ADGRB3: variants seen among roughly 807,000 people sequenced by gnomAD.
The protein encoded by ADGRB3 is adhesion G protein-coupled receptor B3, also known as brain-specific angiogenesis inhibitor 3.
Under a neutral mutation model 193.4 loss-of-function variants are expected in ADGRB3, and 37 were observed. That is an observed-to-expected ratio of 0.19 (90% CI 0.15 to 0.25). The LOEUF (loss-of-function observed/expected upper bound fraction) is 0.25. Ranked by LOEUF, ADGRB3 falls within the 10% of genes least tolerant of loss-of-function variation. The pLI, the probability that ADGRB3 is intolerant of heterozygous loss-of-function variation, is 1.00. For missense variants in ADGRB3, 1,637 were observed against 1,852.9 expected, an observed-to-expected ratio of 0.88 and a Z score of 2.14; for synonymous variants, 690 against 644.2, an observed-to-expected ratio of 1.07 and a Z score of -1.08.
chr6:69,025,524 T>A (rs1329715223), intron 13 of ADGRB3, among the ~76,000 whole-genome samples: 10 of 66,942 alleles, frequency 1.5e-4, no homozygotes, highest in Non-Finnish European at 2.9e-4. Context: ...ACAATTTAAC[T>A]TTTTTTTTTT....
intron 3 of ADGRB3, among the ~76,000 whole-genome samples, chr6:68,657,604 C>T (rs1191896719): frequency 1.3e-5 from 2 of 151,322 alleles, no homozygotes; most frequent in Non-Finnish European, 3.0e-5. Context: ...GATGGGATTA[C>T]TCAGCAAATT....
intron 3 of ADGRB3, among the ~76,000 whole-genome samples, chr6:68,811,521 T>C (rs562068159): frequency 6.6e-6 from 1 of 151,950 alleles, no homozygotes; most frequent in African/African-American, 2.4e-5. Flanking sequence ...CAGGCTGGAG[T>C]GCGGTGGGAT....
At chr6:68,881,249 C>T (rs544215298) in intron 3 of ADGRB3, among the ~76,000 whole-genome samples, 2 of 151,994 alleles carry the variant, frequency 1.3e-5, no homozygotes, top group African/African-American at 4.8e-5. Context: ...AGTTATGTGA[C>T]TGATAAAATA....
chr6:68,978,733 G>GT (rs1768821781), intron 10 of ADGRB3, among the ~76,000 whole-genome samples: 1 of 151,392 alleles, frequency 6.6e-6, no homozygotes, highest in Non-Finnish European at 1.5e-5. Flanking sequence ...TCTTAAATTA[G>GT]TTTGGAGACT....
chr6:69,200,764 C>A (rs1376697994), intron 17 of ADGRB3, among the ~76,000 whole-genome samples: 1 of 152,020 alleles, frequency 6.6e-6, no homozygotes, highest in African/African-American at 2.4e-5. Flanking sequence ...AATCTACACG[C>A]AAGAAGCTTT....
At chr6:69,028,960 C>T (rs572407781) in intron 13 of ADGRB3, among the ~76,000 whole-genome samples, 1 of 152,184 alleles carries the variant, frequency 6.6e-6, no homozygotes, top group East Asian at 1.9e-4. Context: ...ACTATTTACT[C>T]CTCACAACCT....
intron 20 of ADGRB3, among the ~76,000 whole-genome samples, chr6:69,278,187 G>C: frequency 6.6e-6 from 1 of 152,142 alleles, no homozygotes; most frequent in East Asian, 1.9e-4. Context: ...TACACTTAGT[G>C]ATCTTTAGCA....
intron 3 of ADGRB3, among the ~76,000 whole-genome samples, chr6:68,653,198 G>C (rs1297518157): frequency 6.6e-6 from 1 of 152,136 alleles, no homozygotes; most frequent in Non-Finnish European, 1.5e-5. Context: ...ACTAAAATGA[G>C]AAGAGCCTCT....
intron 29 of ADGRB3, among the ~76,000 whole-genome samples, chr6:69,370,994 G>A (rs1769695981): frequency 6.6e-6 from 1 of 152,032 alleles, no homozygotes; most frequent in South Asian, 2.1e-4. Context: ...TCAATGCCTG[G>A]ATGTCACCAC....
chr6:68,981,414 C>T (rs1768906328), intron 10 of ADGRB3, among the ~76,000 whole-genome samples: 1 of 151,634 alleles, frequency 6.6e-6, no homozygotes, highest in South Asian at 2.1e-4. Context: ...GGAGGTGTTA[C>T]TTAAATCTTT....
chr6:68,801,594 C>T (rs1767312422), intron 3 of ADGRB3, among the ~76,000 whole-genome samples: 1 of 152,026 alleles, frequency 6.6e-6, no homozygotes, highest in Non-Finnish European at 1.5e-5. Flanking sequence ...GAGGCTGAGG[C>T]AAGAGAATCG....
At chr6:68,955,926 T>C in intron 6 of ADGRB3, 98 bp from the exon 7 acceptor site, 1 of 1,205,864 alleles carries the variant, frequency 8.3e-7, no homozygotes, top group East Asian at 2.5e-5. Flanking sequence ...AGTCCATTGA[T>C]TGGGGTTCAT....
chr6:68,966,630 C>T (rs1182891515), intron 8 of ADGRB3, among the ~76,000 whole-genome samples: 1 of 152,162 alleles, frequency 6.6e-6, no homozygotes, highest in African/African-American at 2.4e-5. Context: ...CTTCCACTGA[C>T]ACACTCTTCC....
chr6:68,698,097 A>G (rs1287452249), intron 3 of ADGRB3, among the ~76,000 whole-genome samples: 1 of 151,796 alleles, frequency 6.6e-6, no homozygotes, highest in Non-Finnish European at 1.5e-5. Flanking sequence ...ATTCATAAAC[A>G]TATGGTATTG....
intron 8 of ADGRB3, among the ~76,000 whole-genome samples, chr6:68,961,946 T>C (rs1338620646): frequency 8.5e-5 from 13 of 152,218 alleles, no homozygotes; most frequent in Admixed American, 8.5e-4. Flanking sequence ...GGAATTATGT[T>C]ATTACCTGTT....
intron 3 of ADGRB3, among the ~76,000 whole-genome samples, chr6:68,679,130 AAT>A (rs1764833670): frequency 6.6e-6 from 1 of 152,206 alleles, no homozygotes; most frequent in South Asian, 2.1e-4. Flanking sequence ...CATAAAATTC[AAT>A]ATTTGTTAGA....
At chr6:68,991,394 A>G (rs1769232326) in intron 10 of ADGRB3, among the ~76,000 whole-genome samples, 1 of 152,082 alleles carries the variant, frequency 6.6e-6, no homozygotes, top group South Asian at 2.1e-4. Context: ...AAAACAAGAA[A>G]TAGAAGGCAC....
At chr6:68,686,152 A>G (rs1362722438) in intron 3 of ADGRB3, among the ~76,000 whole-genome samples, 1 of 152,208 alleles carries the variant, frequency 6.6e-6, no homozygotes, top group Non-Finnish European at 1.5e-5. Flanking sequence ...AAACTCTTGC[A>G]AAATTGCCCT....
chr6:68,742,741 A>G (rs367591448), intron 3 of ADGRB3, among the ~76,000 whole-genome samples: 43 of 152,280 alleles, frequency 2.8e-4, no homozygotes, highest in African/African-American at 1.0e-3. Context: ...GTCTTAAGAA[A>G]TAATGTGATA....
Sources: gnomAD v4.1 joint callset for allele counts (sites outside exome capture counted in the v4.1 genomes callset) on GRCh38, gnomAD v4.1.1 for gene constraint, MANE v1.5 for transcripts, NCBI Gene and HGNC (gene_info 2026-07-23, HGNC 2026-07-21) for gene names.